Variants in CPED1 observed in about 807,000 individuals in gnomAD.
CPED1 encodes cadherin-like and PC-esterase domain-containing protein 1.
A neutral mutation model predicts 128.2 loss-of-function variants in CPED1; 114 were observed. The observed-to-expected ratio is 0.89, with a 90% confidence interval of 0.76 to 1.04. The LOEUF (loss-of-function observed/expected upper bound fraction) is 1.04. Ranked by LOEUF, CPED1 falls within the 50% of genes least tolerant of loss-of-function variation. The probability of loss-of-function intolerance (pLI) is 0.00; values close to 1 mark genes in which losing one functional copy is unlikely to be tolerated. For missense variants in CPED1, 1,211 were observed against 1,207.1 expected (o/e 1.00, Z -0.05); for synonymous variants, 462 against 426.7 (o/e 1.08, Z -1.02).
chr7:121,294,806 C>CAAAAAAAAAAAAAAAAAAA (rs752742828), intron 22 of CPED1, among the ~76,000 whole-genome samples: 8 of 61,406 alleles, frequency 1.3e-4, no homozygotes, highest in African/African-American at 4.1e-4. Context: ...GCCTTCTAAG[C>CAAAAAAAAAAAAAAAAAAA]AAAAAAAAAA....
chr7:121,012,770 C>A (rs1241404188), intron 2 of CPED1, among the ~76,000 whole-genome samples: 2 of 152,178 alleles, frequency 1.3e-5, no homozygotes, highest in Non-Finnish European at 1.5e-5. Flanking sequence ...TATTTACTCT[C>A]TATAGTCTGA....
intron 17 of CPED1, among the ~76,000 whole-genome samples, chr7:121,240,726 T>C (rs1200455740): frequency 1.4e-5 from 2 of 140,194 alleles, no homozygotes; most frequent in African/African-American, 5.3e-5. Context: ...ATCCCACTTC[T>C]GTTATTTAAC....
chr7:121,195,973 T>C (rs1228501077), intron 16 of CPED1, among the ~76,000 whole-genome samples: 1 of 152,050 alleles, frequency 6.6e-6, no homozygotes, highest in African/African-American at 2.4e-5. Flanking sequence ...AAAGGGACTA[T>C]GTGGCTTAGG....
intron 3 of CPED1, among the ~76,000 whole-genome samples, chr7:121,019,853 C>T (rs1399022051): frequency 1.3e-5 from 2 of 151,892 alleles, no homozygotes; most frequent in Non-Finnish European, 2.9e-5. Flanking sequence ...ATAGAAGCAC[C>T]ATTCAATTAT....
At chr7:121,187,484 A>G (rs536626229) in intron 16 of CPED1, among the ~76,000 whole-genome samples, 6 of 152,266 alleles carry the variant, frequency 3.9e-5, no homozygotes, top group South Asian at 4.1e-4. Context: ...GGACAGGTAG[A>G]TGGGGATAGA....
chr7:121,271,282 A>G lies in CPED1; in HGVS notation c.2722-2A>G. 1 of 1,600,474 alleles carries G rather than the reference A, an allele frequency of 6.2e-7. No homozygotes were observed. The highest frequency in any genetic ancestry group is 8.5e-7 in the Non-Finnish European group (1 of 1,172,694). ...ATTCTCATTCTTCTGCTTTCCAATC[A>G]GAGTGAAGTACAGAACTTATGGAAA... is the stretch of plus-strand genomic sequence containing the variant. On this transcript the variant is annotated splice_acceptor_variant, in intron 21 of 22. Transcript: ENST00000310396. LOFTEE classifies it high-confidence loss of function.
At chr7:121,195,938 A>C (rs1449842368) in intron 16 of CPED1, among the ~76,000 whole-genome samples, 1 of 151,928 alleles carries the variant, frequency 6.6e-6, no homozygotes, top group East Asian at 1.9e-4. Flanking sequence ...TTTGGCTGTT[A>C]GTTGGTGCCT....
At chr7:121,156,619 A>T (rs572036441) in intron 16 of CPED1, among the ~76,000 whole-genome samples, 21 of 152,320 alleles carry the variant, frequency 1.4e-4, no homozygotes, top group Non-Finnish European at 2.5e-4. Context: ...ACGTTCATAT[A>T]TGTGAGCTAA....
At chr7:121,026,174 A>G (rs773004904) in intron 3 of CPED1, among the ~76,000 whole-genome samples, 6 of 152,212 alleles carry the variant, frequency 3.9e-5, no homozygotes, top group Non-Finnish European at 5.9e-5. Flanking sequence ...TGACAGTGGT[A>G]TAACTGTCAA....
intron 16 of CPED1, among the ~76,000 whole-genome samples, chr7:121,177,045 C>G (rs1467284079): frequency 6.6e-6 from 1 of 152,032 alleles, no homozygotes; most frequent in African/African-American, 2.4e-5. Context: ...TTCAAAGCAG[C>G]AAAGAATGGC....
At chr7:121,191,226 G>A (rs1171297309) in intron 16 of CPED1, among the ~76,000 whole-genome samples, 12 of 152,092 alleles carry the variant, frequency 7.9e-5, no homozygotes, top group East Asian at 7.7e-4. Flanking sequence ...GAAAAACACC[G>A]AGCATAGAAA....
chr7:121,077,650 A>G (rs891969580), intron 5 of CPED1, among the ~76,000 whole-genome samples: 7 of 151,286 alleles, frequency 4.6e-5, no homozygotes, highest in Admixed American at 4.6e-4. Context: ...AGGCTCAATA[A>G]TGCATACATT....
At chr7:121,153,726 TTAAAG>T (rs1796212836) in intron 16 of CPED1, among the ~76,000 whole-genome samples, 1 of 152,168 alleles carries the variant, frequency 6.6e-6, no homozygotes, top group South Asian at 2.1e-4. Context: ...AACAAGATTG[TTAAAG>T]TAAGTACAGT....
intron 16 of CPED1, among the ~76,000 whole-genome samples, chr7:121,154,694 C>T (rs533313476): frequency 2.2e-4 from 33 of 152,032 alleles, no homozygotes; most frequent in African/African-American, 7.2e-4. Flanking sequence ...TATAGGCATG[C>T]GCCAGCACGC....
chr7:121,117,133 C>T (rs1289217281), intron 7 of CPED1, among the ~76,000 whole-genome samples: 1 of 143,412 alleles, frequency 7.0e-6, no homozygotes, highest in African/African-American at 2.6e-5. Flanking sequence ...TGGAGTCTCG[C>T]TCTGTCACCC....
At chr7:121,112,533 A>G (rs1795139105) in intron 7 of CPED1, among the ~76,000 whole-genome samples, 1 of 152,194 alleles carries the variant, frequency 6.6e-6, no homozygotes, top group African/African-American at 2.4e-5. Flanking sequence ...CAGCTTTAAG[A>G]GGGAACGTGG....
intron 13 of CPED1, among the ~76,000 whole-genome samples, chr7:121,135,779 T>A (rs1459665080): frequency 6.6e-6 from 1 of 152,068 alleles, no homozygotes. Context: ...GAACCTTGGC[T>A]GATCAACGTC....
At chr7:121,294,920 C>A (rs1792792072) in intron 22 of CPED1, among the ~76,000 whole-genome samples, 2 of 151,988 alleles carry the variant, frequency 1.3e-5, no homozygotes, top group Non-Finnish European at 2.9e-5. Flanking sequence ...TACTAAGTGC[C>A]CAGAGCAACA....
intron 6 of CPED1, among the ~76,000 whole-genome samples, chr7:121,099,334 C>T (rs1331949080): frequency 1.3e-5 from 2 of 152,066 alleles, no homozygotes; most frequent in Admixed American, 1.3e-4. Context: ...CTTTATTCTA[C>T]ATACTACCTT....
Sources: allele counts gnomAD v4.1 joint callset (sites outside exome capture counted in the v4.1 genomes callset), GRCh38; gene constraint gnomAD v4.1.1; transcripts MANE v1.5; gene names NCBI Gene and HGNC (gene_info 2026-07-23, HGNC 2026-07-21).